The following EPB41L4B variants were observed in gnomAD, a reference collection of about 807,000 sequenced individuals.
EPB41L4B encodes the protein erythrocyte membrane protein band 4.1 like 4B, also known as band 4.1-like protein 4B.
In EPB41L4B, 30 loss-of-function variants were observed where a neutral mutation model predicts 112.5. That is an observed-to-expected ratio of 0.27 (90% CI 0.20 to 0.36). The LOEUF is 0.36. Ranked by LOEUF, EPB41L4B falls within the 10% of genes least tolerant of loss-of-function variation. The probability of loss-of-function intolerance (pLI) is 1.00; values close to 1 mark genes in which losing one functional copy is unlikely to be tolerated. For synonymous variants in EPB41L4B, 408 were observed against 439.7 expected (o/e 0.93, Z 0.90); for missense variants, 1,024 against 1,133.3 (o/e 0.90, Z 1.38).
At chr9:109,304,889 G>T (rs1837112318) in intron 1 of EPB41L4B, among the ~76,000 whole-genome samples, 1 of 152,148 alleles carries the variant, frequency 6.6e-6, no homozygotes, top group East Asian at 1.9e-4. Flanking sequence ...AGGAACAGGG[G>T]AGGAATGACG....
intron 2 of EPB41L4B, among the ~76,000 whole-genome samples, 168 bp from the exon 3 acceptor site, chr9:109,268,601 T>C (rs2119086170): frequency 6.6e-6 from 1 of 152,224 alleles, no homozygotes; most frequent in East Asian, 1.9e-4. Flanking sequence ...TGGGATGGTA[T>C]AAAAAATTCA....
intron 1 of EPB41L4B, among the ~76,000 whole-genome samples, chr9:109,302,042 A>C (rs1836988843): frequency 6.6e-6 from 1 of 152,248 alleles, no homozygotes; most frequent in African/African-American, 2.4e-5. Flanking sequence ...ACTATGCCAG[A>C]GCTCTGGCCA....
intron 16 of EPB41L4B, among the ~76,000 whole-genome samples, chr9:109,216,630 G>A (rs1306985562): frequency 7.5e-6 from 1 of 133,904 alleles, no homozygotes; most frequent in Non-Finnish European, 1.5e-5. Context: ...GACAGAGCCA[G>A]ACTCCAGACT....
At chr9:109,307,835 CAG>C (rs3842632) in intron 1 of EPB41L4B, among the ~76,000 whole-genome samples, 39,471 of 151,916 alleles carry the variant, frequency 0.26, 5,604 homozygotes, top group East Asian at 0.53. Context: ...GAAGAGATGG[CAG>C]AGTCTCAGAG....
intron 15 of EPB41L4B, among the ~76,000 whole-genome samples, chr9:109,233,215 C>A (rs1460000633): frequency 6.6e-6 from 1 of 152,184 alleles, no homozygotes; most frequent in Non-Finnish European, 1.5e-5. Flanking sequence ...AATTCTGCAG[C>A]CTTTCATCCA....
At chr9:109,189,668 G>A (rs1484854056) in intron 22 of EPB41L4B, among the ~76,000 whole-genome samples, 1 of 152,050 alleles carries the variant, frequency 6.6e-6, no homozygotes, top group Non-Finnish European at 1.5e-5. Flanking sequence ...CACTCTTGTT[G>A]CCCAGGCTGG....
In EPB41L4B at chr9:109,200,226, C is replaced by T; in HGVS notation, c.2045+10G>A. On this transcript the variant is annotated intron_variant, in intron 20 of 25. Transcript: ENST00000374566. ...TGTTTTAATTGAAAAAGTTGCAGTA[C>T]AGAACTCACAAACTATACTGTCTTG... is the stretch of plus-strand genomic sequence containing the variant. 1 of 1,609,580 alleles carries T rather than the reference C, an allele frequency of 6.2e-7. No homozygotes were observed. Among genetic ancestry groups the T allele is most frequent in the Non-Finnish European group, 8.5e-7 (1 of 1,176,012 alleles).
intron 25 of EPB41L4B, 150 bp from the exon 26 acceptor site, chr9:109,174,773 T>C (rs763695976): frequency 1.6e-6 from 1 of 641,628 alleles, no homozygotes; most frequent in Non-Finnish European, 2.7e-6. Flanking sequence ...TTTGCTAGCA[T>C]TTCAGTGATC....
At chr9:109,204,869 T>C (rs981835821) in intron 18 of EPB41L4B, among the ~76,000 whole-genome samples, 5 of 152,130 alleles carry the variant, frequency 3.3e-5, no homozygotes, top group Admixed American at 2.0e-4. Context: ...CCTTATACTC[T>C]CACTATGCAC....
intron 2 of EPB41L4B, among the ~76,000 whole-genome samples, chr9:109,275,013 C>T (rs1434506480): frequency 6.6e-6 from 1 of 152,232 alleles, no homozygotes; most frequent in Non-Finnish European, 1.5e-5. Context: ...ACACAGACTC[C>T]CAGCCCCTGC....
rs1297689006 is a variant in EPB41L4B at position 109,293,741 on chromosome 9, T to C, written c.307-13820A>G. ...AAAAACATAAACTAAAAACTGTTTT[T>C]TGAAGGGCACTAACTCTGTTTAGGA... is the stretch of plus-strand genomic sequence containing the variant. On this transcript the variant is annotated intron_variant, in intron 1 of 25. Transcript: ENST00000374566. Among the ~76,000 whole-genome samples the C allele has an allele frequency of 2.0e-5, 3 of 152,020 alleles. No individual in the cohort carries two copies. The East Asian group carries it at 5.8e-4, about 29-fold the overall frequency.
intron 1 of EPB41L4B, among the ~76,000 whole-genome samples, chr9:109,287,368 G>C (rs972755114): frequency 2.0e-5 from 3 of 152,164 alleles, no homozygotes; most frequent in Non-Finnish European, 4.4e-5. Context: ...AACATTAACA[G>C]GTCAGATCTG....
At chr9:109,291,817 G>C (rs1197794760) in intron 1 of EPB41L4B, among the ~76,000 whole-genome samples, 1 of 152,154 alleles carries the variant, frequency 6.6e-6, no homozygotes, top group Non-Finnish European at 1.5e-5. Flanking sequence ...GGCCCAGACA[G>C]GCAGATTCTA....
chr9:109,231,786 G>A (rs1454423511), intron 15 of EPB41L4B, among the ~76,000 whole-genome samples: 1 of 152,134 alleles, frequency 6.6e-6, no homozygotes, highest in African/African-American at 2.4e-5. Context: ...TTCTTGCTAG[G>A]TTTTGCAATG....
chr9:109,199,672 G>GA (rs1832757056), intron 20 of EPB41L4B, among the ~76,000 whole-genome samples: 1 of 151,946 alleles, frequency 6.6e-6, no homozygotes. Context: ...GTCTCAAAAA[G>GA]AAAAAAAGTG....
intron 15 of EPB41L4B, chr9:109,241,948 G>T: frequency 1.3e-6 from 1 of 790,844 alleles, no homozygotes; most frequent in East Asian, 2.5e-5. Flanking sequence ...GAATGGAAAT[G>T]AATGGATTTC....
chr9:109,267,499 T>G lies in EPB41L4B; in HGVS notation c.507A>C (p.Pro169=). 6.2e-7 allele frequency: 1 copy of G among 1,613,704 alleles called. No homozygotes were observed. Among genetic ancestry groups the G allele is most frequent in the Non-Finnish European group, 8.5e-7 (1 of 1,179,700 alleles). The change falls in exon 4 of 26, where the codon CCA becomes CCC. Residue 169 remains proline (P), a synonymous_variant. Coordinates refer to ENST00000374566, the MANE Select transcript of EPB41L4B (RefSeq NM_019114.5). The part of the protein sequence containing the change: ...HFRVKYYSSE[P]NNLREEFTRY... ...TTGTAAACTCCTCACGAAGGTTGTT[T>G]GGTTCTGAAGAATAGTATTTAACTC...
At chr9:109,266,154 C>T (rs1835393198) in intron 4 of EPB41L4B, among the ~76,000 whole-genome samples, 1 of 152,176 alleles carries the variant, frequency 6.6e-6, no homozygotes, top group South Asian at 2.1e-4. Flanking sequence ...ATAAGAAAAA[C>T]TAACCATAGC....
chr9:109,192,690 G>A, intron 21 of EPB41L4B, among the ~76,000 whole-genome samples: 1 of 152,110 alleles, frequency 6.6e-6, no homozygotes, highest in East Asian at 1.9e-4. Flanking sequence ...CAAAGACCTT[G>A]TCCTAGATTA....
Sources: allele counts gnomAD v4.1 joint callset (sites outside exome capture counted in the v4.1 genomes callset), GRCh38; gene constraint gnomAD v4.1.1; transcripts MANE v1.5; gene names NCBI Gene and HGNC (gene_info 2026-07-23, HGNC 2026-07-21).